Variants in TGFBRAP1 observed in about 807,000 individuals in gnomAD.
TGFBRAP1 encodes the protein transforming growth factor beta receptor associated protein 1.
TGFBRAP1 carries 20 observed loss-of-function variants against 83.2 expected under a neutral mutation model. That is an observed-to-expected ratio of 0.24 (90% CI 0.17 to 0.35). The LOEUF (loss-of-function observed/expected upper bound fraction) is 0.35, where lower values mean the gene tolerates loss of function less well. Among genes scored for constraint, TGFBRAP1 ranks in the 10% least tolerant of loss-of-function variants. The pLI is 1.00. For synonymous variants in TGFBRAP1, 415 were observed against 459.8 expected (o/e 0.90, Z 1.25); for missense variants, 950 against 1,099.4 (o/e 0.86, Z 1.92).
At chr2:105,257,182 C>T in the TGFBRAP1 span, among the ~76,000 whole-genome samples, 3 of 152,118 alleles carry the variant, frequency 2.0e-5, no homozygotes, top group African/African-American at 4.8e-5. Context: ...ATTTCTTGTG[C>T]GAGATCCAAG....
intron 4 of TGFBRAP1, among the ~76,000 whole-genome samples, chr2:105,291,291 G>A (rs1677904249): frequency 6.6e-6 from 1 of 152,124 alleles, no homozygotes; most frequent in Non-Finnish European, 1.5e-5. Flanking sequence ...CATGAATCAG[G>A]AAGCTGGCCA....
intron 11 of TGFBRAP1, among the ~76,000 whole-genome samples, chr2:105,268,693 G>A (rs1490716905): frequency 6.6e-6 from 1 of 152,172 alleles, no homozygotes; most frequent in Non-Finnish European, 1.5e-5. Context: ...AGGGGAACAC[G>A]TCGGATACCC....
chr2:105,279,033 C>A (rs1416144496), intron 6 of TGFBRAP1, among the ~76,000 whole-genome samples: 1 of 151,974 alleles, frequency 6.6e-6, no homozygotes, highest in African/African-American at 2.4e-5. Context: ...CATTTCAAAT[C>A]CTTAACGAAA....
intron 6 of TGFBRAP1, 122 bp downstream of exon 6, chr2:105,280,260 T>C: frequency 1.9e-6 from 2 of 1,035,748 alleles, no homozygotes; most frequent in East Asian, 2.6e-5. Context: ...CAGTCACCTA[T>C]AGGTACTTGG....
At chr2:105,276,753 C>T (rs9973913) in intron 7 of TGFBRAP1, among the ~76,000 whole-genome samples, 3,989 of 152,236 alleles carry the variant, frequency 0.026, 198 homozygotes, top group African/African-American at 0.091. Flanking sequence ...CCATTGGGTA[C>T]GTGTTAATTC....
chr2:105,322,495 C>T (rs1193548997), intron 1 of TGFBRAP1, among the ~76,000 whole-genome samples: 1 of 152,196 alleles, frequency 6.6e-6, no homozygotes, highest in East Asian at 1.9e-4. Flanking sequence ...GCTCCATTCA[C>T]AGTAAGTGCC....
intron 4 of TGFBRAP1, 54 bp downstream of exon 4, chr2:105,296,302 T>C (rs1283858140): frequency 6.2e-7 from 1 of 1,602,864 alleles, no homozygotes. Context: ...TAAATCTGAA[T>C]GTCCTCTAAC....
chr2:105,319,862 A>G (rs1331290541), intron 1 of TGFBRAP1, among the ~76,000 whole-genome samples: 1 of 150,448 alleles, frequency 6.6e-6, no homozygotes, highest in Non-Finnish European at 1.5e-5. Flanking sequence ...TTTGTTATAT[A>G]GTGAAATATA....
intron 2 of TGFBRAP1, among the ~76,000 whole-genome samples, chr2:105,300,726 T>A (rs577454831): frequency 2.0e-4 from 30 of 152,082 alleles, no homozygotes; most frequent in Non-Finnish European, 4.0e-4. Context: ...CATGAGCCAC[T>A]GCGCCCAGCC....
intron 1 of TGFBRAP1, among the ~76,000 whole-genome samples, chr2:105,311,326 T>C (rs578133995): frequency 5.0e-4 from 76 of 152,210 alleles, no homozygotes; most frequent in African/African-American, 1.7e-3. Context: ...GGTAATTAAA[T>C]GGTAATAATG....
rs1678165119 is a variant in TGFBRAP1 at position 105,298,580 on chromosome 2, T to C, written c.814A>G (p.Ser272Gly). Reference protein sequence around the residue: ...ALDDEFITVHSMLDQQQKQTL... With the variant: ...ALDDEFITVHGMLDQQQKQTL... ...TGCTTCTGTTGCTGATCCAACATGC[T>C]GTGGACTGTGATGAATTCGTCATCG... Residue 272 changes from serine to glycine, a missense_variant, in exon 3 of 12, where the codon AGC (serine) becomes GGC (glycine). Transcript: ENST00000393359. 6.2e-7 allele frequency: 1 copy of C among 1,614,144 alleles called. No individual in the cohort carries two copies.
Position 105,265,793 on chromosome 2 carries a change from CA to C in TGFBRAP1, c.*1589del, listed in dbSNP as rs577471391. 5 of 152,292 alleles carry C rather than the reference CA, an allele frequency of 3.3e-5. No individual in the cohort carries two copies. The highest frequency in any genetic ancestry group is 1.2e-4 in the African/African-American group (5 of 41,572). 9.4% of individuals were successfully genotyped at this position (152,292 alleles called of 1,614,324 possible). On this transcript the variant is annotated 3_prime_UTR_variant, in exon 12 of 12. Coordinates refer to ENST00000393359, the MANE Select transcript of TGFBRAP1 (RefSeq NM_004257.6). ...AGGAAAAAATGGTGCCAATTCCCCC[CA>C]AACAACACATGGATGTTTTTGCTTC...
At position 105,329,691 on chromosome 2, in the gene TGFBRAP1, C is replaced by A. The variant is rs1245029603; in HGVS notation, c.-84G>T. The A allele has an allele frequency of 6.8e-6, 1 of 147,092 alleles. No individual in the cohort carries two copies. Among genetic ancestry groups the A allele is most frequent in the Non-Finnish European group, 1.5e-5 (1 of 65,822 alleles). 9.1% of individuals were successfully genotyped at this position (147,092 alleles called of 1,614,324 possible). A position where few individuals can be genotyped will look rare whatever the true frequency, so the allele number is the denominator to read the frequency against. On this transcript the variant is annotated 5_prime_UTR_variant, in exon 1 of 12. Transcript: ENST00000393359. ...GGCCCCGCCGCCCCGCTCCGGCCCG[C>A]GGCTCCTGGGCTGGCCCGACCCCGC...
chr2:105,329,011 T>C (rs72823868), intron 1 of TGFBRAP1, among the ~76,000 whole-genome samples: 2,313 of 152,222 alleles, frequency 0.015, 25 homozygotes, highest in Non-Finnish European at 0.026. Flanking sequence ...TTCCAGCCCT[T>C]GACCTGGTGC....
At chr2:105,308,467 C>T in intron 1 of TGFBRAP1, 149 bp from the exon 2 acceptor site, 1 of 824,078 alleles carries the variant, frequency 1.2e-6, no homozygotes, top group Non-Finnish European at 1.8e-6. Context: ...ACCATTTCCC[C>T]ACAGACCTCC....
chr2:105,278,972 T>C (rs1018570773), intron 6 of TGFBRAP1, among the ~76,000 whole-genome samples: 6 of 151,936 alleles, frequency 3.9e-5, no homozygotes, highest in Admixed American at 3.9e-4. Flanking sequence ...ACATCTCAGA[T>C]ACTAGCACAG....
chr2:105,311,724 C>T (rs1365930915), intron 1 of TGFBRAP1, among the ~76,000 whole-genome samples: 3 of 151,980 alleles, frequency 2.0e-5, no homozygotes, highest in Non-Finnish European at 4.4e-5. Context: ...CATGGCAAAA[C>T]CCCGTCTCTA....
rs142371913 is a variant in TGFBRAP1, at chr2:105,269,646, C to T, written c.2032G>A (p.Glu678Lys). 7.5e-6 allele frequency: 12 copies of T among 1,591,188 alleles called. No individual in the cohort carries two copies. The highest frequency in any genetic ancestry group is 1.7e-4 in the Middle Eastern group (1 of 5,966). Residue 678 changes from glutamate (E) to lysine (K), a missense_variant, in exon 11 of 12, where the codon GAG becomes AAG. Coordinates refer to ENST00000393359, the MANE Select transcript of TGFBRAP1 (RefSeq NM_004257.6). The surrounding 1 kb of genome is among the most constrained non-coding windows in gnomAD (Gnocchi z 4.1). ...AGGATATGCAGCGCCTTCTCATGCT[C>T]GCCCAGCTTCCCGTGCAGGATGGCG... The part of the protein sequence containing the change: ...ESAILHGKLG[E>K]HEKALHILVH...
chr2:105,268,817 G>A (rs960203614), intron 11 of TGFBRAP1, among the ~76,000 whole-genome samples: 9 of 152,260 alleles, frequency 5.9e-5, no homozygotes, highest in African/African-American at 2.2e-4. Flanking sequence ...ACTGGCCTGG[G>A]AGGCAGCTCT....
Sources: gnomAD v4.1 joint callset for allele counts (sites outside exome capture counted in the v4.1 genomes callset) on GRCh38, gnomAD v4.1.1 for gene constraint, Gnocchi (gnomAD v3.1) non-coding constraint, MANE v1.5 for transcripts, NCBI Gene and HGNC (gene_info 2026-07-23, HGNC 2026-07-21) for gene names.